The following BRF1 variants were observed in gnomAD, a reference collection of about 807,000 sequenced individuals.
BRF1 encodes BRF1 general transcription factor IIIB subunit, also known as transcription factor IIIB 90 kDa subunit.
BRF1 carries 59 observed loss-of-function variants against 81.7 expected under a neutral mutation model. The observed-to-expected ratio is 0.72, with a 90% CI of 0.59 to 0.90. The LOEUF (loss-of-function observed/expected upper bound fraction) is 0.90. Ranked by LOEUF, BRF1 falls within the 40% of genes least tolerant of loss-of-function variation. BRF1 has a pLI of 0.00. For missense variants in BRF1, 1,050 were observed against 936.3 expected (o/e 1.12, Z -1.58); for synonymous variants, 491 against 395.6 (o/e 1.24, Z -2.86).
At chr14:105,217,196 G>A in intron 15 of BRF1, 1 of 412,294 alleles carries the variant, frequency 2.4e-6, no homozygotes, top group South Asian at 3.1e-5. Flanking sequence ...CGCAGAGCAG[G>A]CACAGGGCGG....
chr14:105,225,769 TC>T (rs1892987775), intron 10 of BRF1, among the ~76,000 whole-genome samples: 1 of 152,078 alleles, frequency 6.6e-6, no homozygotes, highest in Non-Finnish European at 1.5e-5. Context: ...TGCCTCAGCC[TC>T]CCATGGAGCT....
intron 10 of BRF1, among the ~76,000 whole-genome samples, chr14:105,223,809 A>C (rs1484868041): frequency 6.6e-6 from 1 of 152,202 alleles, no homozygotes; most frequent in Non-Finnish European, 1.5e-5. Context: ...CACCTCAATA[A>C]GGCTGTTAAA....
intron 11 of BRF1, 47 bp downstream of exon 11, chr14:105,221,601 G>C (rs587608392): frequency 1.3e-6 from 2 of 1,578,354 alleles, no homozygotes; most frequent in African/African-American, 2.7e-5. Context: ...ACGCCTGAAA[G>C]ATCTCCCGAT....
chr14:105,217,033 A>G (rs587721150), intron 15 of BRF1, among the ~76,000 whole-genome samples: 1 of 152,208 alleles, frequency 6.6e-6, no homozygotes, highest in African/African-American at 2.4e-5. Flanking sequence ...GCGGCCCTGC[A>G]TGGAGCTGCA....
chr14:105,215,526 G>A (rs368693161), intron 15 of BRF1, among the ~76,000 whole-genome samples: 76 of 150,912 alleles, frequency 5.0e-4, no homozygotes, highest in African/African-American at 1.8e-3. Context: ...GTGTGCATAC[G>A]CACTGCATGC....
In BRF1 at chr14:105,209,951, G is replaced by A. The variant is rs762458019; in HGVS notation, c.*600C>T. On this transcript the variant is annotated 3_prime_UTR_variant, in exon 18 of 18. Transcript: ENST00000547530. The stretch of plus-strand genomic sequence containing the variant: ...AGGCAGGGGTGGGGGTGTCTGCCTC[G>A]GACGAGGCAGGTATCTGGATGCAGG... The A allele has an allele frequency of 8.8e-5, 29 of 329,210 alleles. No homozygotes were observed. The highest frequency in any genetic ancestry group is 4.5e-4 in the African/African-American group (21 of 46,902). The allele number at this position is 329,210 out of a possible 1,614,324, so 20.4% of individuals were successfully genotyped here. A position where few individuals can be genotyped will look rare whatever the true frequency, so the allele number is the denominator to read the frequency against.
intron 3 of BRF1, among the ~76,000 whole-genome samples, chr14:105,261,061 G>A (rs1041209156): frequency 1.3e-5 from 2 of 152,232 alleles, no homozygotes; most frequent in African/African-American, 4.8e-5. Context: ...GACCATCTGG[G>A]AATCAGAAAA....
At chr14:105,215,906 C>A (rs1891153584) in intron 15 of BRF1, among the ~76,000 whole-genome samples, 1 of 148,274 alleles carries the variant, frequency 6.7e-6, no homozygotes, top group Admixed American at 6.7e-5. Context: ...GGCACACACA[C>A]ACTGCATACG....
At chr14:105,256,703 T>C (rs2055891990) in intron 3 of BRF1, among the ~76,000 whole-genome samples, 154 bp from the exon 4 acceptor site, 1 of 152,124 alleles carries the variant, frequency 6.6e-6, no homozygotes, top group South Asian at 2.1e-4. Flanking sequence ...AAAGGTGGTA[T>C]GGAAGCGAGG....
At chr14:105,249,016 C>T (rs1408264451) in intron 5 of BRF1, 2 of 1,123,858 alleles carry the variant, frequency 1.8e-6, no homozygotes, top group Non-Finnish European at 2.2e-6. Flanking sequence ...GCGCCCGCGC[C>T]GCCCACACTC....
In BRF1 at chr14:105,210,562, C is replaced by T. The variant is rs759797649; in HGVS notation, c.2023G>A (p.Asp675Asn). 36 of 1,611,386 alleles carry T rather than the reference C, an allele frequency of 2.2e-5. No homozygotes were observed. Among genetic ancestry groups the T allele is most frequent in the Non-Finnish European group, 2.7e-5 (32 of 1,179,898 alleles). The change falls in exon 18 of 18, where the codon GAC (aspartate) becomes AAC (asparagine). Residue 675 changes from aspartate (D) to asparagine (N), a missense_variant. Transcript: ENST00000547530. This position sits in a 1 kb window ranked among gnomAD's most constrained non-coding sequence, Gnocchi z 4.7. ...NDYGCDGDED[D>N]GY ...CTGGAGGCCACACTTCAGTAGCCGT[C>T]GTCCTCATCGCCATCACAGCCATAG...
intron 5 of BRF1, chr14:105,249,776 GC>G (rs770097146): frequency 6.2e-7 from 1 of 1,613,836 alleles, no homozygotes; most frequent in South Asian, 1.1e-5. Context: ...AGCCAAGAAC[GC>G]CTGCGTCCTG....
upstream of BRF1, among the ~76,000 whole-genome samples, chr14:105,302,634 G>A (rs587621561): frequency 2.0e-5 from 3 of 152,122 alleles, no homozygotes; most frequent in South Asian, 6.2e-4. Flanking sequence ...CACCCAAGGT[G>A]GAGTGCAGTA....
At chr14:105,263,755 C>T (rs587627826) in intron 3 of BRF1, among the ~76,000 whole-genome samples, 1 of 151,952 alleles carries the variant, frequency 6.6e-6, no homozygotes, top group African/African-American at 2.4e-5. Flanking sequence ...GAAACCCTGT[C>T]TCTACTAAAA....
chr14:105,283,229 G>A (rs2057182719), intron 2 of BRF1, among the ~76,000 whole-genome samples: 1 of 152,216 alleles, frequency 6.6e-6, no homozygotes, highest in Non-Finnish European at 1.5e-5. Context: ...GCAGGAAACA[G>A]GACAGGGGCT....
At chr14:105,212,569 A>T (rs3784231) in intron 15 of BRF1, 88,505 of 193,060 alleles carry the variant, frequency 0.46, 24,755 homozygotes, top group African/African-American at 0.83. Context: ...CAATCCCTAC[A>T]TCTGCTGACA....
chr14:105,270,764 C>T (rs1209843125), intron 3 of BRF1, among the ~76,000 whole-genome samples: 1 of 151,580 alleles, frequency 6.6e-6, no homozygotes, highest in African/African-American at 2.4e-5. Flanking sequence ...GCACTCCAGC[C>T]TGGGTGACAG....
chr14:105,300,232 G>A (rs2057944445), intron 1 of BRF1, among the ~76,000 whole-genome samples: 1 of 152,192 alleles, frequency 6.6e-6, no homozygotes. Flanking sequence ...CGCGTGTGTC[G>A]AGGAAGTCCA....
At chr14:105,243,738 G>GT (rs1337055442) in intron 5 of BRF1, among the ~76,000 whole-genome samples, 2 of 152,182 alleles carry the variant, frequency 1.3e-5, no homozygotes, top group Admixed American at 6.6e-5. Flanking sequence ...GCTCACACCT[G>GT]TAATCCCAGC....
Sources: gnomAD v4.1 joint callset for allele counts (sites outside exome capture counted in the v4.1 genomes callset) on GRCh38, gnomAD v4.1.1 for gene constraint, Gnocchi (gnomAD v3.1) non-coding constraint, MANE v1.5 for transcripts, NCBI Gene and HGNC (gene_info 2026-07-23, HGNC 2026-07-21) for gene names.